The following EPN2 variants were observed in gnomAD, a reference collection of about 807,000 sequenced individuals.
The protein encoded by EPN2 is epsin-2.
Under a neutral mutation model 61.7 loss-of-function variants are expected in EPN2, and 34 were observed. That is an observed-to-expected ratio of 0.55 (90% CI 0.42 to 0.73). The LOEUF (loss-of-function observed/expected upper bound fraction) is 0.73. EPN2 is among the 30% of genes least tolerant of loss of function. EPN2 has a pLI of 0.00. For missense variants in EPN2, 714 were observed against 839.2 expected, an observed-to-expected ratio of 0.85 and a Z score of 1.84; for synonymous variants, 349 against 353.6, an observed-to-expected ratio of 0.99 and a Z score of 0.15.
At chr17:19,268,643 A>G (rs1390981590) in intron 1 of EPN2, among the ~76,000 whole-genome samples, 1 of 152,230 alleles carries the variant, frequency 6.6e-6, no homozygotes, top group African/African-American at 2.4e-5. Flanking sequence ...CAGACTCTAG[A>G]AAAAGCTGAC....
At position 19,285,543 on chromosome 17, in the gene EPN2, G is replaced by A. The variant is rs984553117; in HGVS notation, c.596-77G>A. On this transcript the variant is annotated intron_variant, in intron 3 of 10. Transcript: ENST00000314728. The surrounding 1 kb of genome is among the most constrained non-coding windows in gnomAD (Gnocchi z 4.5). ...GGTTGACCCCGAGTGGCCTTGGCCC[G>A]TACCTCCTGCAGGGGCTGCTGCGCA... is the stretch of plus-strand genomic sequence containing the variant. 33 of 1,380,506 alleles carry A rather than the reference G, an allele frequency of 2.4e-5. No homozygotes were observed. The highest frequency in any genetic ancestry group is 2.9e-5 in the East Asian group (1 of 34,894). 85.5% of individuals were successfully genotyped at this position (1,380,506 alleles called of 1,614,324 possible). A position where few individuals can be genotyped will look rare whatever the true frequency, so the allele number is the denominator to read the frequency against.
intron 1 of EPN2, 131 bp downstream of exon 1, chr17:19,237,662 C>T (rs1241743221): frequency 1.3e-5 from 2 of 152,328 alleles, no homozygotes; most frequent in African/African-American, 2.4e-5. Context: ...GGCATGCGCC[C>T]CTGCCGCCCC....
chr17:19,240,541 C>T (rs987096368), intron 1 of EPN2, among the ~76,000 whole-genome samples: 2 of 152,132 alleles, frequency 1.3e-5, no homozygotes, highest in African/African-American at 4.8e-5. Flanking sequence ...CCACCATGGC[C>T]GGCCTTGGAT....
chr17:19,331,751 G>A (rs1395618710), intron 9 of EPN2, 102 bp from the exon 10 acceptor site: 5 of 992,192 alleles, frequency 5.0e-6, no homozygotes, highest in Admixed American at 1.8e-5. Context: ...ACGTGGCGCT[G>A]TCAGGCAGGC....
rs566966469 is a variant in EPN2, at chr17:19,297,884, A to G, written c.767-12001A>G. Among the ~76,000 whole-genome samples the G allele has an allele frequency of 4.6e-5, 7 of 151,986 alleles. No individual in the cohort carries two copies. The East Asian group carries it at 1.2e-3, about 25-fold the overall frequency. On this transcript the variant is annotated intron_variant, in intron 4 of 10. Transcript: ENST00000314728. ...TATTTATTTATCGATTCATTTATGTATTTTGTTTTGTTTTGTTTTTTTGAG... is the reference window on the plus strand; with the variant it reads ...TATTTATTTATCGATTCATTTATGTGTTTTGTTTTGTTTTGTTTTTTTGAG...
chr17:19,307,824 G>A (rs536851573), intron 4 of EPN2: 19 of 806,014 alleles, frequency 2.4e-5, no homozygotes, highest in East Asian at 2.5e-4. Context: ...TGTGGATCCC[G>A]TCTGTGGCCT....
chr17:19,245,111 A>G (rs918109745), intron 1 of EPN2, among the ~76,000 whole-genome samples: 2 of 152,228 alleles, frequency 1.3e-5, no homozygotes, highest in South Asian at 4.2e-4. Context: ...TTGGAGCTTT[A>G]TGAAGTTGTT....
At chr17:19,268,239 A>G (rs542926202) in intron 1 of EPN2, among the ~76,000 whole-genome samples, 2 of 152,244 alleles carry the variant, frequency 1.3e-5, no homozygotes, top group South Asian at 4.1e-4. Flanking sequence ...TTGCTCCCCC[A>G]GTCTAGACAG....
At chr17:19,333,873 C>A in intron 10 of EPN2, 83 bp from the exon 11 acceptor site, 1 of 1,219,648 alleles carries the variant, frequency 8.2e-7, no homozygotes, top group Non-Finnish European at 1.1e-6. Context: ...GGGACCAGAA[C>A]ACCCGCATGC....
chr17:19,244,401 G>A (rs896117035), intron 1 of EPN2, among the ~76,000 whole-genome samples: 1 of 151,890 alleles, frequency 6.6e-6, no homozygotes, highest in African/African-American at 2.4e-5. Flanking sequence ...GGAGGTTGCA[G>A]TGAGCCGAGA....
intron 4 of EPN2, among the ~76,000 whole-genome samples, chr17:19,301,908 G>T (rs779913110): frequency 9.2e-5 from 14 of 152,248 alleles, no homozygotes; most frequent in Non-Finnish European, 2.1e-4. Context: ...GTGGGTGTGC[G>T]CATGTAACTG....
chr17:19,301,241 A>G (rs1426177844), intron 4 of EPN2, among the ~76,000 whole-genome samples: 8 of 152,066 alleles, frequency 5.3e-5, no homozygotes, highest in South Asian at 4.1e-4. Flanking sequence ...CACTAGTTCT[A>G]TTGACTCTAG....
chr17:19,325,166 A>G (rs1446551034), intron 7 of EPN2, among the ~76,000 whole-genome samples: 2 of 152,222 alleles, frequency 1.3e-5, no homozygotes, highest in Non-Finnish European at 2.9e-5. Context: ...GTAAGTACTA[A>G]CAATATTCAA....
chr17:19,325,670 A>C (rs965333508), intron 7 of EPN2, among the ~76,000 whole-genome samples: 2 of 152,234 alleles, frequency 1.3e-5, no homozygotes, highest in Admixed American at 6.5e-5. Context: ...ATCAAGAGCA[A>C]GACAAGGATA....
intron 10 of EPN2, among the ~76,000 whole-genome samples, 175 bp from the exon 11 acceptor site, chr17:19,333,781 G>A (rs1468601468): frequency 1.3e-5 from 2 of 152,156 alleles, no homozygotes; most frequent in African/African-American, 4.8e-5. Context: ...TCCTTAAAGT[G>A]CAGATTCATG....
chr17:19,293,602 A>G (rs1478023514), intron 4 of EPN2, among the ~76,000 whole-genome samples: 2 of 136,416 alleles, frequency 1.5e-5, no homozygotes, highest in Non-Finnish European at 3.0e-5. Context: ...CACGTTGCCC[A>G]GGCTGATCTG....
At chr17:19,262,951 T>G (rs2045158091) in intron 1 of EPN2, among the ~76,000 whole-genome samples, 1 of 152,266 alleles carries the variant, frequency 6.6e-6, no homozygotes, top group Non-Finnish European at 1.5e-5. Flanking sequence ...TATTCCATTG[T>G]GTGGATAGAT....
intron 4 of EPN2, among the ~76,000 whole-genome samples, chr17:19,295,567 G>GA (rs1304795924): frequency 6.6e-6 from 1 of 152,086 alleles, no homozygotes; most frequent in Non-Finnish European, 1.5e-5. Flanking sequence ...AAATACATTT[G>GA]AAGTCAATTC....
At chr17:19,325,069 A>G (rs1906807251) in intron 7 of EPN2, among the ~76,000 whole-genome samples, 1 of 152,224 alleles carries the variant, frequency 6.6e-6, no homozygotes, top group Non-Finnish European at 1.5e-5. Context: ...TAAAAAACCT[A>G]TAAATAGAAA....
Sources: allele counts gnomAD v4.1 joint callset (sites outside exome capture counted in the v4.1 genomes callset), GRCh38; gene constraint gnomAD v4.1.1; non-coding constraint Gnocchi (gnomAD v3.1); transcripts MANE v1.5; gene names NCBI Gene and HGNC (gene_info 2026-07-23, HGNC 2026-07-21).